The following TRIM33 variants were observed in gnomAD, a reference collection of about 807,000 sequenced individuals.
TRIM33 encodes the protein tripartite motif containing 33.
TRIM33 carries 20 observed loss-of-function variants against 125.4 expected under a neutral mutation model. The ratio of observed to expected loss-of-function variants is 0.16; its 90% CI spans 0.11 to 0.23. The LOEUF (loss-of-function observed/expected upper bound fraction) is 0.23, where lower values mean the gene tolerates loss of function less well. TRIM33 is among the 10% of genes least tolerant of loss of function. The probability of loss-of-function intolerance (pLI) is 1.00; values close to 1 mark genes in which losing one functional copy is unlikely to be tolerated. For missense variants in TRIM33, 920 were observed against 1,411.4 expected, an observed-to-expected ratio of 0.65 and a Z score of 5.58; for synonymous variants, 564 against 513.9, an observed-to-expected ratio of 1.10 and a Z score of -1.32.
intron 1 of TRIM33, among the ~76,000 whole-genome samples, chr1:114,501,451 C>T (rs949838899): frequency 1.3e-5 from 2 of 152,168 alleles, no homozygotes; most frequent in African/African-American, 4.8e-5. Flanking sequence ...AGAATGACAG[C>T]TGTTTTTCAC....
intron 4 of TRIM33, among the ~76,000 whole-genome samples, chr1:114,445,275 C>G (rs141851634): frequency 6.6e-6 from 1 of 152,208 alleles, no homozygotes; most frequent in East Asian, 1.9e-4. Flanking sequence ...ACTCTCTCAC[C>G]CAAGCTGGAG....
rs149526478 is a variant in TRIM33, at chr1:114,451,432, G to A, written c.923+11672C>T. Among the ~76,000 whole-genome samples the A allele has an allele frequency of 7.3e-4, 107 of 147,580 alleles. 3 individuals carry two copies. The East Asian group carries it at 0.02, about 28-fold the overall frequency. ...ATTGATGTCTCTTCTCCCATTCTTA[G>A]TCTTTGTAAGTCTACAGATTTTTTA... On this transcript the variant is annotated intron_variant, in intron 4 of 19. Coordinates refer to ENST00000358465, the MANE Select transcript of TRIM33 (RefSeq NM_015906.4).
chr1:114,430,923 G>C lies in TRIM33; in HGVS notation c.1041-11C>G, dbSNP rs1434903843. 2 of 1,415,974 alleles carry C rather than the reference G, an allele frequency of 1.4e-6. No individual in the cohort carries two copies. Among genetic ancestry groups the C allele is most frequent in the Non-Finnish European group, 2.0e-6 (2 of 1,000,964 alleles). The allele number at this position is 1,415,974 out of a possible 1,614,324, so 87.7% of individuals were successfully genotyped here. A position where few individuals can be genotyped will look rare whatever the true frequency, so the allele number is the denominator to read the frequency against. ...TTTACTTCTTTTATCCTGAATAAGAGAAATGCATCATTAGGTTATCAACTT... is the reference window on the plus strand; with the variant it reads ...TTTACTTCTTTTATCCTGAATAAGACAAATGCATCATTAGGTTATCAACTT... On this transcript the variant is annotated splice_polypyrimidine_tract_variant and intron_variant, in intron 5 of 19. Coordinates refer to ENST00000358465, the MANE Select transcript of TRIM33 (RefSeq NM_015906.4).
chr1:114,450,129 C>G (rs1246731315), intron 4 of TRIM33, among the ~76,000 whole-genome samples: 1 of 152,160 alleles, frequency 6.6e-6, no homozygotes, highest in South Asian at 2.1e-4. Flanking sequence ...TGGTGGCTCA[C>G]GCCTGTAACC....
rs1651374775 is a variant in TRIM33, at chr1:114,393,272, G to C, written c.*4376C>G. ...CACAAATCTTTTTTTATAGGCTTAT[G>C]TATATGTTTCACTGTGTTTTAAAAT... On this transcript the variant is annotated 3_prime_UTR_variant, in exon 20 of 20. Coordinates refer to ENST00000358465, the MANE Select transcript of TRIM33 (RefSeq NM_015906.4). 2 of 203,536 alleles carry C rather than the reference G, an allele frequency of 9.8e-6. No individual in the cohort carries two copies. The highest frequency in any genetic ancestry group is 6.0e-5 in the Admixed American group (1 of 16,696). The allele number at this position is 203,536 out of a possible 1,614,324, so 12.6% of individuals were successfully genotyped here.
chr1:114,424,744 C>T lies in TRIM33; in HGVS notation c.1707G>A (p.Leu569=). The part of the protein sequence containing the change: ...PQMLQQQPPR[L]ISVQTMQRGN... ...CTCTTTGCATTGTTTGCACACTGAT[C>T]AATCGAGGAGGCTACAAAAAGTAGA... Residue 569 remains leucine (L), a synonymous_variant, in exon 10 of 20, where the codon TTG becomes TTA. Coordinates refer to ENST00000358465, the MANE Select transcript of TRIM33 (RefSeq NM_015906.4). 1 of 1,557,342 alleles carries T rather than the reference C, an allele frequency of 6.4e-7. No individual in the cohort carries two copies. The highest frequency in any genetic ancestry group is 8.7e-7 in the Non-Finnish European group (1 of 1,151,766).
intron 13 of TRIM33, among the ~76,000 whole-genome samples, chr1:114,408,183 G>A (rs907235445): frequency 6.6e-6 from 1 of 152,166 alleles, no homozygotes; most frequent in African/African-American, 2.4e-5. Flanking sequence ...TGGAGAAATC[G>A]GGAAAACACT....
chr1:114,483,068 G>T (rs1651453477), intron 1 of TRIM33, among the ~76,000 whole-genome samples: 1 of 152,154 alleles, frequency 6.6e-6, no homozygotes, highest in Non-Finnish European at 1.5e-5. Flanking sequence ...ACTTTGGGAG[G>T]CTGAGATGGG....
At chr1:114,436,546 A>G (rs1450112227) in intron 4 of TRIM33, among the ~76,000 whole-genome samples, 1 of 151,438 alleles carries the variant, frequency 6.6e-6, no homozygotes. Flanking sequence ...GCTCACTGCA[A>G]CCTCCACCTC....
At chr1:114,503,019 T>A (rs1345595438) in intron 1 of TRIM33, among the ~76,000 whole-genome samples, 1 of 152,226 alleles carries the variant, frequency 6.6e-6, no homozygotes, top group Non-Finnish European at 1.5e-5. Context: ...TACAGCTAAG[T>A]ATCTAAGAAA....
At chr1:114,510,408 C>A in intron 1 of TRIM33, 143 bp downstream of exon 1, 1 of 712,006 alleles carries the variant, frequency 1.4e-6, no homozygotes, top group Non-Finnish European at 2.1e-6. Context: ...GGAAAGTGTC[C>A]CAGGGGCGAG....
At chr1:114,487,577 T>C (rs1168822248) in intron 1 of TRIM33, among the ~76,000 whole-genome samples, 18 of 151,756 alleles carry the variant, frequency 1.2e-4, no homozygotes, top group Admixed American at 1.2e-3. Context: ...CTTGAATCTT[T>C]GGAAAAGAAC....
intron 4 of TRIM33, among the ~76,000 whole-genome samples, chr1:114,447,636 T>C (rs1649068415): frequency 1.3e-5 from 2 of 152,210 alleles, no homozygotes; most frequent in South Asian, 2.1e-4. Flanking sequence ...AGACTATACG[T>C]ATAGATAATG....
At chr1:114,426,319 A>C (rs570674331) in intron 8 of TRIM33, among the ~76,000 whole-genome samples, 1 of 152,220 alleles carries the variant, frequency 6.6e-6, no homozygotes, top group Admixed American at 6.5e-5. Flanking sequence ...TATAGAGTAA[A>C]TATTTCATGC....
chr1:114,441,403 GTCCTGTTCTTCCTT>G (rs1648642000), intron 4 of TRIM33, among the ~76,000 whole-genome samples: 1 of 152,178 alleles, frequency 6.6e-6, no homozygotes, highest in Non-Finnish European at 1.5e-5. Context: ...GTAAAATAAG[GTCCTGTTCTTCCTT>G]TCCTTACATT....
At chr1:114,460,750 TTTA>T (rs1255356441) in intron 4 of TRIM33, among the ~76,000 whole-genome samples, 1 of 152,050 alleles carries the variant, frequency 6.6e-6, no homozygotes, top group Non-Finnish European at 1.5e-5. Flanking sequence ...CAATCCACTT[TTTA>T]TTATTTGTTT....
chr1:114,487,962 G>A (rs944118066), intron 1 of TRIM33, among the ~76,000 whole-genome samples: 1 of 149,584 alleles, frequency 6.7e-6, no homozygotes. Context: ...TCTTCTCATG[G>A]ATTTCTTAAA....
intron 5 of TRIM33, among the ~76,000 whole-genome samples, chr1:114,432,509 G>A (rs545651651): frequency 4.6e-5 from 7 of 152,258 alleles, no homozygotes; most frequent in Non-Finnish European, 8.8e-5. Context: ...AGTTCTGGCC[G>A]GGCACAGTGG....
chr1:114,413,101 A>G (rs1025245719), intron 11 of TRIM33, among the ~76,000 whole-genome samples: 17 of 152,340 alleles, frequency 1.1e-4, no homozygotes, highest in African/African-American at 4.1e-4. Flanking sequence ...CATTTTCCTA[A>G]TAACTAATGA....
Sources: allele counts gnomAD v4.1 joint callset (sites outside exome capture counted in the v4.1 genomes callset), GRCh38; gene constraint gnomAD v4.1.1; transcripts MANE v1.5; gene names NCBI Gene and HGNC (gene_info 2026-07-23, HGNC 2026-07-21).